RGS7: variants seen among roughly 807,000 people sequenced by gnomAD.
RGS7 encodes the protein regulator of G-protein signaling 7.
Under a neutral mutation model 81.1 loss-of-function variants are expected in RGS7, and 27 were observed. The ratio of observed to expected loss-of-function variants is 0.33; its 90% confidence interval spans 0.25 to 0.46. The LOEUF is 0.46. Among genes scored for constraint, RGS7 ranks in the 20% least tolerant of loss-of-function variants. The pLI is 1.00. For synonymous variants in RGS7, 208 were observed against 207.7 expected, an observed-to-expected ratio of 1.00 and a Z score of -0.01; for missense variants, 396 against 607.4, an observed-to-expected ratio of 0.65 and a Z score of 3.66.
intron 3 of RGS7, among the ~76,000 whole-genome samples, chr1:241,020,696 T>G (rs1259752083): frequency 6.6e-6 from 1 of 151,464 alleles, no homozygotes; most frequent in Non-Finnish European, 1.5e-5. Flanking sequence ...TGAACCAAAC[T>G]ATCAGTTTGG....
Position 240,868,112 on chromosome 1 carries a change from GAAAAGGAAAGAAA to G in RGS7, c.609+462_609+474del, listed in dbSNP as rs1459081535. On this transcript the variant is annotated intron_variant, in intron 9 of 18. Transcript: ENST00000440928. The surrounding 1 kb of genome is among the most constrained non-coding windows in gnomAD (Gnocchi z 5.1). ...AGAAAGAAAAGAAAAAGAAAGAAAA[GAAAAGGAAAGAAA>G]GAAAGAAAGAAAGAAAGAAAGAAAG... 6.0e-4 allele frequency among the ~76,000 whole-genome samples: 59 copies of G among 97,902 alleles called. No homozygotes were observed. The highest frequency in any genetic ancestry group is 5.0e-3 in the Middle Eastern group (1 of 200). 64.2% of individuals were successfully genotyped at this position (97,902 alleles called of 152,430 possible). A position where few individuals can be genotyped will look rare whatever the true frequency, so the allele number is the denominator to read the frequency against.
At chr1:240,939,261 C>A (rs528949832) in intron 4 of RGS7, among the ~76,000 whole-genome samples, 1 of 151,546 alleles carries the variant, frequency 6.6e-6, no homozygotes, top group South Asian at 2.1e-4. Flanking sequence ...ATTTCCAACA[C>A]AAAAAAAACA....
At chr1:240,870,764 C>G (rs1380946782) in intron 6 of RGS7, among the ~76,000 whole-genome samples, 2 of 152,178 alleles carry the variant, frequency 1.3e-5, no homozygotes, top group African/African-American at 4.8e-5. Flanking sequence ...CAAATAAAAT[C>G]ATTTTGTGAA....
intron 4 of RGS7, among the ~76,000 whole-genome samples, chr1:240,948,590 G>A (rs998087501): frequency 6.6e-6 from 1 of 151,822 alleles, no homozygotes; most frequent in Non-Finnish European, 1.5e-5. Context: ...TTACAGGCAC[G>A]TGCCACCAAG....
At chr1:241,215,542 GTC>G (rs576855145) in intron 2 of RGS7, among the ~76,000 whole-genome samples, 22 of 152,230 alleles carry the variant, frequency 1.4e-4, no homozygotes, top group Non-Finnish European at 2.6e-4. Context: ...CTCCTTCTAT[GTC>G]TCTCTCTTTT....
At chr1:241,220,999 G>GGAAGGAAGGAAGGAAGGAAGAAAGAA (rs1558203363) in intron 2 of RGS7, among the ~76,000 whole-genome samples, 11 of 64,728 alleles carry the variant, frequency 1.7e-4, no homozygotes, top group Non-Finnish European at 3.4e-4. Context: ...GGAAGGAAGA[G>GGAAGGAAGGAAGGAAGGAAGAAAGAA]AGAGAGAAAG....
intron 2 of RGS7, among the ~76,000 whole-genome samples, chr1:241,316,777 C>T (rs2080905356): frequency 6.6e-6 from 1 of 152,110 alleles, no homozygotes; most frequent in South Asian, 2.1e-4. Flanking sequence ...GCCTCATAAA[C>T]TGAGTTTAGA....
Position 240,776,062 on chromosome 1 carries a change from T to C in RGS7, c.*158A>G. The C allele has an allele frequency of 1.1e-6, 1 of 906,602 alleles. No individual in the cohort carries two copies. Among genetic ancestry groups the C allele is most frequent in the Admixed American group, 1.7e-5 (1 of 58,900 alleles). 56.2% of individuals were successfully genotyped at this position (906,602 alleles called of 1,614,324 possible). On this transcript the variant is annotated 3_prime_UTR_variant, in exon 19 of 19. Coordinates refer to ENST00000440928, the MANE Select transcript of RGS7 (RefSeq NM_001364886.1). ...AATAACAATTTAGGTCCTTTGCTCA[T>C]GCAACATCTTGTTCTAATGTCCTCT...
At chr1:240,781,804 C>T (rs1684139956) in intron 18 of RGS7, among the ~76,000 whole-genome samples, 1 of 152,152 alleles carries the variant, frequency 6.6e-6, no homozygotes. Context: ...CACTTGAGGT[C>T]AGAAGTTCAA....
At chr1:241,231,051 C>T (rs1210980300) in intron 2 of RGS7, among the ~76,000 whole-genome samples, 1 of 152,182 alleles carries the variant, frequency 6.6e-6, no homozygotes, top group Non-Finnish European at 1.5e-5. Flanking sequence ...TCCCTCCTCC[C>T]TAAGTTCTCC....
intron 3 of RGS7, among the ~76,000 whole-genome samples, chr1:241,035,275 T>C (rs1003807467): frequency 6.6e-6 from 1 of 152,146 alleles, no homozygotes; most frequent in Non-Finnish European, 1.5e-5. Flanking sequence ...TTCATTTCTA[T>C]AATTTCTAGG....
intron 2 of RGS7, among the ~76,000 whole-genome samples, chr1:241,256,783 C>T (rs2077069305): frequency 6.6e-6 from 1 of 152,108 alleles, no homozygotes; most frequent in Non-Finnish European, 1.5e-5. Context: ...ATCAATTTAC[C>T]TCCCAAAGAC....
chr1:240,964,227 G>A (rs943185592), intron 4 of RGS7, among the ~76,000 whole-genome samples: 2 of 152,152 alleles, frequency 1.3e-5, no homozygotes, highest in African/African-American at 4.8e-5. Flanking sequence ...CTGATATTGA[G>A]AATGACTGAG....
intron 3 of RGS7, among the ~76,000 whole-genome samples, chr1:241,021,258 T>A (rs1192823458): frequency 1.3e-5 from 2 of 151,924 alleles, no homozygotes; most frequent in Admixed American, 1.3e-4. Context: ...GTTTTATTCC[T>A]CTCTTATTCA....
chr1:240,893,256 T>C lies in RGS7; in HGVS notation c.386-23137A>G, dbSNP rs545494838. Among the ~76,000 whole-genome samples, 10 of 152,334 alleles carry C rather than the reference T, an allele frequency of 6.6e-5. No individual in the cohort carries two copies. The South Asian group carries it at 1.2e-3, about 19-fold the overall frequency. ...AGTGTTAACATAGCCATAAACTTTC[T>C]ACGTGACTCAGTTTTTCTTTGATTA... On this transcript the variant is annotated intron_variant, in intron 6 of 18. Coordinates refer to ENST00000440928, the MANE Select transcript of RGS7 (RefSeq NM_001364886.1).
intron 3 of RGS7, among the ~76,000 whole-genome samples, chr1:240,991,426 C>T (rs1241173018): frequency 6.6e-6 from 1 of 152,174 alleles, no homozygotes. Context: ...AGGAGGATTC[C>T]TTATCAACCA....
Position 240,990,398 on chromosome 1 carries a change from G to C in RGS7, c.176-7269C>G, listed in dbSNP as rs1023654993. Among the ~76,000 whole-genome samples, 6 of 152,262 alleles carry C rather than the reference G, an allele frequency of 3.9e-5. 1 individual carries two copies. In the South Asian group the frequency reaches 1.2e-3, roughly 32 times the overall value. Reference sequence around the variant, plus strand: ...CTTGCTATGAATATAAATGTGTTTTGTTCTATGAACTTATTATAGTCCCGT... The same window carrying C: ...CTTGCTATGAATATAAATGTGTTTTCTTCTATGAACTTATTATAGTCCCGT... On this transcript the variant is annotated intron_variant, in intron 3 of 18. Coordinates refer to ENST00000440928, the MANE Select transcript of RGS7 (RefSeq NM_001364886.1).
intron 3 of RGS7, among the ~76,000 whole-genome samples, chr1:241,068,640 C>T (rs2062238258): frequency 6.6e-6 from 1 of 152,046 alleles, no homozygotes; most frequent in African/African-American, 2.4e-5. Context: ...TGATCCCTGT[C>T]TCACATCATC....
intron 13 of RGS7, among the ~76,000 whole-genome samples, chr1:240,812,735 C>T (rs182525049): frequency 6.6e-5 from 10 of 152,146 alleles, no homozygotes; most frequent in Non-Finnish European, 8.8e-5. Flanking sequence ...ATGCCAGGCA[C>T]ACATTTCTTA....
Sources: gnomAD v4.1 joint callset for allele counts (sites outside exome capture counted in the v4.1 genomes callset) on GRCh38, gnomAD v4.1.1 for gene constraint, Gnocchi (gnomAD v3.1) non-coding constraint, MANE v1.5 for transcripts, NCBI Gene and HGNC (gene_info 2026-07-23, HGNC 2026-07-21) for gene names.